The following TXLNB variants were observed in gnomAD, a reference collection of about 807,000 sequenced individuals.
TXLNB encodes the protein beta-taxilin.
Under a neutral mutation model 57.4 loss-of-function variants are expected in TXLNB, and 37 were observed. The ratio of observed to expected loss-of-function variants is 0.64; its 90% CI spans 0.50 to 0.85. The LOEUF (loss-of-function observed/expected upper bound fraction) is 0.85. Ranked by LOEUF, TXLNB falls within the 40% of genes least tolerant of loss-of-function variation. The pLI, the probability that TXLNB is intolerant of heterozygous loss-of-function variation, is 0.00. For missense variants in TXLNB, 848 were observed against 825.6 expected, an observed-to-expected ratio of 1.03 and a Z score of -0.33; for synonymous variants, 302 against 309.6, an observed-to-expected ratio of 0.98 and a Z score of 0.26.
At chr6:139,228,988 T>C in the TXLNB span, among the ~76,000 whole-genome samples, 13 of 152,178 alleles carry the variant, frequency 8.5e-5, no homozygotes, top group Non-Finnish European at 1.5e-4. Context: ...ACTGGGTGAG[T>C]GGGTAGGGCT....
At chr6:139,192,043 A>G in the TXLNB span, among the ~76,000 whole-genome samples, 2 of 152,208 alleles carry the variant, frequency 1.3e-5, no homozygotes, top group African/African-American at 4.8e-5. Flanking sequence ...GGAAACTTCA[A>G]TGGACTTAAT....
intron 2 of TXLNB, chr6:139,286,773 G>T (rs1013131662): frequency 1.8e-5 from 3 of 164,290 alleles, no homozygotes; most frequent in Admixed American, 6.4e-5. Context: ...GCACATGCAA[G>T]GGATGTAGGT....
At chr6:139,183,198 T>C in the TXLNB span, 108,017 of 152,134 alleles carry the variant, frequency 0.71, 39,607 homozygotes, top group African/African-American at 0.86. Context: ...AGTAAGTTCA[T>C]ATAGTTAATG....
At chr6:139,243,435 T>C in intron 9 of TXLNB, 121 bp from the exon 10 acceptor site, 1 of 1,022,444 alleles carries the variant, frequency 9.8e-7, no homozygotes, top group Non-Finnish European at 1.4e-6. Flanking sequence ...TACTAGGCTC[T>C]GGGACCTGGC....
chr6:139,259,861 G>A (rs1042726641), intron 6 of TXLNB, among the ~76,000 whole-genome samples: 3 of 152,120 alleles, frequency 2.0e-5, no homozygotes, highest in African/African-American at 7.2e-5. Flanking sequence ...AGACTGGGCT[G>A]GCTAATTTAG....
At chr6:139,293,822 A>G (rs1339366631), upstream of TXLNB, among the ~76,000 whole-genome samples, 1 of 152,106 alleles carries the variant, frequency 6.6e-6, no homozygotes, top group Non-Finnish European at 1.5e-5. Context: ...TTATTTGATA[A>G]TTAAGTTAGT....
Position 139,288,518 on chromosome 6 carries a change from T to G in TXLNB, c.382A>C (p.Asn128His). The change falls in exon 2 of 10, where the codon AAT becomes CAT. Residue 128 changes from asparagine to histidine, a missense_variant. Asn to His is a moderately conservative substitution (Grantham distance 68, BLOSUM62 1). Transcript: ENST00000358430. ...EPPTVKEPVSNKEQKLEKKIL... is the reference protein window; with the variant it reads ...EPPTVKEPVSHKEQKLEKKIL... ...TTCTTTTCCAATTTTTGCTCCTTAT[T>G]GCTGACGGGCTCTTTGACAGTGGGT... The G allele has an allele frequency of 6.2e-7, 1 of 1,614,244 alleles. No individual in the cohort carries two copies. Among genetic ancestry groups the G allele is most frequent in the Non-Finnish European group, 8.5e-7 (1 of 1,180,040 alleles).
chr6:139,198,515 CTG>C, the TXLNB span, among the ~76,000 whole-genome samples: 1 of 145,990 alleles, frequency 6.8e-6, no homozygotes, highest in African/African-American at 2.6e-5. Flanking sequence ...GACAGATAAG[CTG>C]TTGTGTTGGT....
chr6:139,257,431 T>C (rs1488524709), intron 6 of TXLNB, among the ~76,000 whole-genome samples: 2 of 152,244 alleles, frequency 1.3e-5, no homozygotes, highest in Admixed American at 6.5e-5. Flanking sequence ...TGTAACATCC[T>C]GTTGATTTAC....
intron 2 of TXLNB, among the ~76,000 whole-genome samples, chr6:139,281,949 C>G (rs980350337): frequency 2.6e-5 from 4 of 151,374 alleles, no homozygotes; most frequent in Non-Finnish European, 5.9e-5. Flanking sequence ...TCCATCCACT[C>G]CCTACCTTGG....
chr6:139,266,428 T>C (rs1164421215), intron 4 of TXLNB, among the ~76,000 whole-genome samples: 1 of 151,940 alleles, frequency 6.6e-6, no homozygotes, highest in African/African-American at 2.4e-5. Flanking sequence ...AATTCTGAAA[T>C]TAAAAATCGC....
chr6:139,186,929 G>A, the TXLNB span, among the ~76,000 whole-genome samples: 1 of 152,180 alleles, frequency 6.6e-6, no homozygotes, highest in East Asian at 1.9e-4. Context: ...TGACAGATTG[G>A]TGGTTGCCTG....
intron 5 of TXLNB, 52 bp from the exon 6 acceptor site, chr6:139,260,489 A>G: frequency 6.3e-7 from 1 of 1,578,554 alleles, no homozygotes; most frequent in South Asian, 1.1e-5. Flanking sequence ...TGGTGCTTAA[A>G]AATGCAAAGT....
chr6:139,190,373 G>A, the TXLNB span, among the ~76,000 whole-genome samples: 20 of 140,796 alleles, frequency 1.4e-4, no homozygotes, highest in South Asian at 2.3e-4. Flanking sequence ...GCAGTGGCAC[G>A]ATCTCAGCTC....
rs186141037 is a variant in TXLNB at position 139,280,069 on chromosome 6, G to A, written c.425-3148C>T. On this transcript the variant is annotated intron_variant, in intron 2 of 9. Coordinates refer to ENST00000358430, the MANE Select transcript of TXLNB (RefSeq NM_153235.4). ...GGAGATCGAGACCATCCTGGCCAAC[G>A]TGGTGAAACCCTGCCTCTTCTAAAA... Among the ~76,000 whole-genome samples the A allele has an allele frequency of 2.3e-3, 350 of 152,044 alleles. 2 individuals carry two copies. Among genetic ancestry groups the A allele is most frequent in the Middle Eastern group, 0.017 (5 of 294 alleles).
At chr6:139,224,442 TATA>T in the TXLNB span, among the ~76,000 whole-genome samples, 4 of 151,496 alleles carry the variant, frequency 2.6e-5, no homozygotes, top group Admixed American at 6.6e-5. Context: ...AAACTTAAAG[TATA>T]ATAATAATTA....
chr6:139,188,811 A>G, the TXLNB span, among the ~76,000 whole-genome samples: 1 of 149,966 alleles, frequency 6.7e-6, no homozygotes, highest in Non-Finnish European at 1.5e-5. Context: ...CTGGAATACA[A>G]TGGCATGATC....
At chr6:139,230,154 A>G in the TXLNB span, among the ~76,000 whole-genome samples, 1 of 152,164 alleles carries the variant, frequency 6.6e-6, no homozygotes, top group Non-Finnish European at 1.5e-5. Flanking sequence ...GAATTGAAGG[A>G]CTTCAATATC....
the TXLNB span, among the ~76,000 whole-genome samples, chr6:139,186,903 A>T: frequency 6.6e-6 from 1 of 152,184 alleles, no homozygotes; most frequent in Non-Finnish European, 1.5e-5. Flanking sequence ...GCTCTAGAAG[A>T]TGCAAATGAA....
Sources: gnomAD v4.1 joint callset for allele counts (sites outside exome capture counted in the v4.1 genomes callset) on GRCh38, gnomAD v4.1.1 for gene constraint, MANE v1.5 for transcripts, NCBI Gene and HGNC (gene_info 2026-07-23, HGNC 2026-07-21) for gene names.